UST: variants seen among roughly 807,000 people sequenced by gnomAD.
UST encodes the protein chondroitin sulfate 2-O-sulfotransferase.
In UST, 21 loss-of-function variants were observed where a neutral mutation model predicts 45.6. That is an observed-to-expected ratio of 0.46 (90% confidence interval 0.33 to 0.66). The LOEUF (loss-of-function observed/expected upper bound fraction) is 0.66, where lower values mean the gene tolerates loss of function less well. Among genes scored for constraint, UST ranks in the 30% least tolerant of loss-of-function variants. The pLI is 0.02. For missense variants in UST, 463 were observed against 512.4 expected (o/e 0.90, Z 0.93); for synonymous variants, 215 against 200.6 (o/e 1.07, Z -0.61).
chr6:148,962,699 T>C (rs1780688000), intron 4 of UST, among the ~76,000 whole-genome samples: 1 of 152,330 alleles, frequency 6.6e-6, no homozygotes, highest in East Asian at 1.9e-4. Flanking sequence ...ATCTCACCCA[T>C]GAGCAGTGTG....
At chr6:148,976,737 A>G (rs1781024805) in intron 5 of UST, among the ~76,000 whole-genome samples, 1 of 152,180 alleles carries the variant, frequency 6.6e-6, no homozygotes, top group Non-Finnish European at 1.5e-5. Context: ...TGATCTCTAG[A>G]AACTTTTCAG....
chr6:148,862,149 T>A (rs1778330262), intron 1 of UST, among the ~76,000 whole-genome samples: 1 of 152,196 alleles, frequency 6.6e-6, no homozygotes, highest in South Asian at 2.1e-4. Context: ...TTTGTGGGTC[T>A]CTAAGGACTT....
intron 1 of UST, among the ~76,000 whole-genome samples, chr6:148,802,381 T>C (rs1582821383): frequency 6.6e-6 from 1 of 152,366 alleles, no homozygotes; most frequent in South Asian, 2.1e-4. Flanking sequence ...GAAATTATCT[T>C]TTTGTCATTT....
chr6:148,768,055 A>G (rs1410114161), intron 1 of UST, among the ~76,000 whole-genome samples: 1 of 152,182 alleles, frequency 6.6e-6, no homozygotes, highest in East Asian at 1.9e-4. Flanking sequence ...AATGTATACC[A>G]ATTTTTAAAC....
intron 1 of UST, among the ~76,000 whole-genome samples, chr6:148,862,863 A>G (rs570948010): frequency 6.6e-6 from 1 of 152,264 alleles, no homozygotes; most frequent in South Asian, 2.1e-4. Flanking sequence ...CTGCCAAGAG[A>G]CCAGCTGTTA....
chr6:148,816,840 C>T (rs1730880031), intron 1 of UST, among the ~76,000 whole-genome samples: 1 of 151,886 alleles, frequency 6.6e-6, no homozygotes, highest in Non-Finnish European at 1.5e-5. Context: ...ACAAATGGTC[C>T]CTGGAATGAA....
chr6:148,828,367 T>A (rs1777612238), intron 1 of UST, among the ~76,000 whole-genome samples: 1 of 152,128 alleles, frequency 6.6e-6, no homozygotes, highest in African/African-American at 2.4e-5. Context: ...AATCATAAGT[T>A]AATAATGCCG....
intron 1 of UST, among the ~76,000 whole-genome samples, chr6:148,881,168 G>A (rs781067486): frequency 2.0e-5 from 3 of 152,150 alleles, no homozygotes; most frequent in Non-Finnish European, 4.4e-5. Flanking sequence ...GGACTAGGGC[G>A]TCAAAGCCAC....
intron 3 of UST, among the ~76,000 whole-genome samples, chr6:148,941,643 C>T (rs1298293984): frequency 2.6e-5 from 4 of 152,158 alleles, no homozygotes; most frequent in African/African-American, 9.7e-5. Context: ...TGAAGGGATA[C>T]TTCCATTAGG....
At chr6:148,898,234 T>C (rs1374529159) in intron 2 of UST, among the ~76,000 whole-genome samples, 1 of 152,200 alleles carries the variant, frequency 6.6e-6, no homozygotes, top group Non-Finnish European at 1.5e-5. Context: ...TTTTTTATCA[T>C]TGCAAGTGAT....
At chr6:148,901,555 C>CT (rs11438263) in intron 2 of UST, among the ~76,000 whole-genome samples, 17,927 of 130,298 alleles carry the variant, frequency 0.14, 1,517 homozygotes, top group Non-Finnish European at 0.19. Context: ...ACCCGTGTCA[C>CT]TTTTTTTTTT....
At chr6:148,975,570 A>C (rs1240707688) in intron 5 of UST, among the ~76,000 whole-genome samples, 1 of 152,174 alleles carries the variant, frequency 6.6e-6, no homozygotes, top group East Asian at 1.9e-4. Flanking sequence ...CTGATCTTTA[A>C]ATGTAATATT....
chr6:148,936,096 C>T lies in UST; in HGVS notation c.292-5183C>T, dbSNP rs370249504. Among the ~76,000 whole-genome samples, 28 of 152,232 alleles carry T rather than the reference C, an allele frequency of 1.8e-4. No individual in the cohort carries two copies. The South Asian group carries it at 5.8e-3, about 32-fold the overall frequency. The stretch of plus-strand genomic sequence containing the variant: ...GTGTCATCTTAGGAGTCAGGAGAGC[C>T]GAGAGCTGGGCTTTCGTGGTTATGT... On this transcript the variant is annotated intron_variant, in intron 2 of 7. Transcript: ENST00000367463.
chr6:148,925,003 T>C (rs1779785064), intron 2 of UST, among the ~76,000 whole-genome samples: 1 of 152,226 alleles, frequency 6.6e-6, no homozygotes, highest in South Asian at 2.1e-4. Flanking sequence ...TTATGTTGAA[T>C]TCCTCATGCA....
At chr6:148,972,939 T>A (rs1780948641) in intron 5 of UST, among the ~76,000 whole-genome samples, 1 of 152,100 alleles carries the variant, frequency 6.6e-6, no homozygotes, top group South Asian at 2.1e-4. Context: ...GGTTGAGAAC[T>A]ACTGAGGAAT....
intron 1 of UST, among the ~76,000 whole-genome samples, chr6:148,769,845 T>C (rs1776388958): frequency 1.3e-5 from 2 of 151,312 alleles, no homozygotes; most frequent in South Asian, 4.2e-4. Context: ...GGTTGTTTGT[T>C]GTATAGATCC....
intron 5 of UST, among the ~76,000 whole-genome samples, chr6:148,977,064 CT>C (rs1209246731): frequency 1.3e-5 from 2 of 151,590 alleles, no homozygotes; most frequent in Non-Finnish European, 2.9e-5. Flanking sequence ...AATGTAGTTT[CT>C]TTTTTTTCCA....
intron 1 of UST, among the ~76,000 whole-genome samples, chr6:148,800,844 A>G (rs1208955695): frequency 6.8e-6 from 1 of 146,020 alleles, no homozygotes; most frequent in African/African-American, 2.6e-5. Context: ...ATGGAATCTT[A>G]AAACCCTGAG....
intron 1 of UST, among the ~76,000 whole-genome samples, chr6:148,798,445 A>C (rs572045081): frequency 6.6e-6 from 1 of 152,200 alleles, no homozygotes; most frequent in Admixed American, 6.5e-5. Flanking sequence ...TCTCAGAGGA[A>C]ATGATACAGA....
Sources: gnomAD v4.1 joint callset for allele counts (sites outside exome capture counted in the v4.1 genomes callset) on GRCh38, gnomAD v4.1.1 for gene constraint, MANE v1.5 for transcripts, NCBI Gene and HGNC (gene_info 2026-07-23, HGNC 2026-07-21) for gene names.